ROR1: variants seen among roughly 807,000 people sequenced by gnomAD.
ROR1 encodes the protein inactive tyrosine-protein kinase transmembrane receptor ROR1.
In ROR1, 19 loss-of-function variants were observed where a neutral mutation model predicts 78.8. The ratio of observed to expected loss-of-function variants is 0.24; its 90% CI spans 0.17 to 0.35. The LOEUF (loss-of-function observed/expected upper bound fraction) is 0.35. ROR1 is among the 10% of genes least tolerant of loss of function. The probability of loss-of-function intolerance (pLI) is 1.00; values close to 1 mark genes in which losing one functional copy is unlikely to be tolerated. For synonymous variants in ROR1, 386 were observed against 433.6 expected (o/e 0.89, Z 1.36); for missense variants, 917 against 1,177.8 (o/e 0.78, Z 3.24).
chr1:63,958,168 ATTAT>A (rs1331562530), intron 1 of ROR1, among the ~76,000 whole-genome samples: 1 of 152,168 alleles, frequency 6.6e-6, no homozygotes, highest in African/African-American at 2.4e-5. Flanking sequence ...ACTGACATGA[ATTAT>A]TTATTATTAT....
intron 4 of ROR1, 44 bp from the exon 5 acceptor site, chr1:64,137,325 T>C (rs753444722): frequency 6.2e-6 from 10 of 1,610,942 alleles, no homozygotes; most frequent in Non-Finnish European, 8.5e-6. Context: ...GTGCCCTGTA[T>C]GTATGTGGTG....
intron 4 of ROR1, among the ~76,000 whole-genome samples, chr1:64,062,990 A>G (rs1352009693): frequency 2.0e-5 from 3 of 152,188 alleles, no homozygotes; most frequent in Admixed American, 6.5e-5. Flanking sequence ...AAGAAAAAAC[A>G]TACACATTTT....
chr1:64,145,886 A>T (rs377140117), intron 7 of ROR1, among the ~76,000 whole-genome samples: 27 of 152,290 alleles, frequency 1.8e-4, no homozygotes, highest in African/African-American at 6.5e-4. Context: ...TTTTGCTGAT[A>T]CAGAAGCTGA....
rs115579664 is a variant in ROR1 at position 64,039,664 on chromosome 1, C to T, written c.164-10027C>T. 5.7e-3 allele frequency among the ~76,000 whole-genome samples: 873 copies of T among 152,256 alleles called. 11 individuals are homozygous for T. The highest frequency in any genetic ancestry group is 0.02 in the African/African-American group (817 of 41,552). ...AGCTTCCACAGTGAGGATCATGTGTCGTGTTGATGCTGAGGCATCTCCTGT... is the reference window on the plus strand; with the variant it reads ...AGCTTCCACAGTGAGGATCATGTGTTGTGTTGATGCTGAGGCATCTCCTGT... On this transcript the variant is annotated intron_variant, in intron 2 of 8. Transcript: ENST00000371079.
intron 2 of ROR1, among the ~76,000 whole-genome samples, chr1:64,026,556 G>T (rs1646611486): frequency 6.6e-6 from 1 of 152,108 alleles, no homozygotes; most frequent in South Asian, 2.1e-4. Flanking sequence ...ATCTGTACTA[G>T]TCCATTTTCA....
chr1:63,863,274 G>A (rs1645192763), intron 1 of ROR1, among the ~76,000 whole-genome samples: 1 of 152,194 alleles, frequency 6.6e-6, no homozygotes. Flanking sequence ...TCTGTGTCTA[G>A]GCGTGCTGAG....
chr1:64,082,775 T>C (rs937756605), intron 4 of ROR1, among the ~76,000 whole-genome samples: 1 of 152,230 alleles, frequency 6.6e-6, no homozygotes, highest in Non-Finnish European at 1.5e-5. Context: ...GTTTAAGCTC[T>C]TCCCATTCAA....
chr1:64,180,978 GTAA>G lies in ROR1; in HGVS notation c.*2128_*2130del, dbSNP rs1209011033. 1.3e-5 allele frequency: 2 copies of G among 152,046 alleles called. No individual in the cohort carries two copies. Among genetic ancestry groups the G allele is most frequent in the Non-Finnish European group, 2.9e-5 (2 of 67,948 alleles). The allele number at this position is 152,046 out of a possible 1,614,324, so 9.4% of individuals were successfully genotyped here. On this transcript the variant is annotated 3_prime_UTR_variant, in exon 9 of 9. Coordinates refer to ENST00000371079, the MANE Select transcript of ROR1 (RefSeq NM_005012.4). ...AGCAAATGAAATTTCAAAACCACTT[GTAA>G]TAATGTATTTTATAATCGCACTGTG...
At chr1:63,843,297 T>C (rs1645060610) in intron 1 of ROR1, 1 of 1,354,894 alleles carries the variant, frequency 7.4e-7, no homozygotes, top group Non-Finnish European at 1.1e-6. Context: ...TAATTCATGC[T>C]TGATCCCTGT....
At chr1:63,901,029 A>G (rs747693468) in intron 1 of ROR1, among the ~76,000 whole-genome samples, 3 of 152,134 alleles carry the variant, frequency 2.0e-5, no homozygotes, top group Non-Finnish European at 2.9e-5. Flanking sequence ...GAGGGGTTAC[A>G]TAACCTGCAG....
chr1:64,004,321 T>TCCTTTTGAAGGAGGGTCTAGAG (rs1259155202), intron 1 of ROR1, among the ~76,000 whole-genome samples: 6 of 152,234 alleles, frequency 3.9e-5, no homozygotes, highest in African/African-American at 1.4e-4. Flanking sequence ...GTAGAGTTGT[T>TCCTTTTGAAGGAGGGTCTAGAG]CCTTTTGAAG....
intron 1 of ROR1, among the ~76,000 whole-genome samples, chr1:63,969,549 G>A (rs2100495269): frequency 6.6e-6 from 1 of 152,178 alleles, no homozygotes; most frequent in African/African-American, 2.4e-5. Context: ...ACTGAGTTTG[G>A]TGTCATCTCC....
intron 1 of ROR1, among the ~76,000 whole-genome samples, chr1:63,832,963 C>T (rs1015217885): frequency 2.0e-5 from 3 of 152,232 alleles, no homozygotes; most frequent in Admixed American, 1.3e-4. Flanking sequence ...TAACCAGCCC[C>T]CCACCCACCA....
At chr1:63,797,704 T>A (rs1464616936) in intron 1 of ROR1, among the ~76,000 whole-genome samples, 2 of 152,202 alleles carry the variant, frequency 1.3e-5, no homozygotes, top group Admixed American at 6.5e-5. Context: ...GAGGGCTATA[T>A]ATATCTTTAA....
At chr1:63,887,442 A>G (rs531214613) in intron 1 of ROR1, among the ~76,000 whole-genome samples, 13 of 152,236 alleles carry the variant, frequency 8.5e-5, no homozygotes, top group African/African-American at 2.9e-4. Context: ...GTTTGGTTCC[A>G]TCAGTCTTAA....
chr1:64,067,276 A>G (rs1245137768), intron 4 of ROR1, among the ~76,000 whole-genome samples: 1 of 151,942 alleles, frequency 6.6e-6, no homozygotes, highest in Non-Finnish European at 1.5e-5. Flanking sequence ...TGAGCCCAGG[A>G]GGCAGAGGTT....
chr1:63,993,070 C>T (rs549959723), intron 1 of ROR1, among the ~76,000 whole-genome samples: 1 of 152,290 alleles, frequency 6.6e-6, no homozygotes, highest in East Asian at 1.9e-4. Context: ...GCAGCGATAC[C>T]TAAGTGACTG....
chr1:63,832,485 G>A (rs896064150), intron 1 of ROR1, among the ~76,000 whole-genome samples: 3 of 152,286 alleles, frequency 2.0e-5, no homozygotes, highest in South Asian at 4.1e-4. Flanking sequence ...GACATGTGGG[G>A]ATTACAATTC....
intron 4 of ROR1, among the ~76,000 whole-genome samples, chr1:64,101,384 AT>A (rs1647534661): frequency 6.6e-6 from 1 of 152,148 alleles, no homozygotes; most frequent in Non-Finnish European, 1.5e-5. Context: ...ATAACCAGAT[AT>A]GGACATGTGG....
Sources: gnomAD v4.1 joint callset for allele counts (sites outside exome capture counted in the v4.1 genomes callset) on GRCh38, gnomAD v4.1.1 for gene constraint, MANE v1.5 for transcripts, NCBI Gene and HGNC (gene_info 2026-07-23, HGNC 2026-07-21) for gene names.